Variants in ARHGAP15 observed in about 807,000 individuals in gnomAD.
ARHGAP15 encodes the protein Rho GTPase activating protein 15, also known as rho GTPase-activating protein 15.
Under a neutral mutation model 63.7 loss-of-function variants are expected in ARHGAP15, and 51 were observed. That is an observed-to-expected ratio of 0.80 (90% CI 0.64 to 1.01). The LOEUF is 1.01. ARHGAP15 is among the 50% of genes least tolerant of loss of function. ARHGAP15 has a pLI of 0.00. For missense variants in ARHGAP15, 560 were observed against 564.6 expected, an observed-to-expected ratio of 0.99 and a Z score of 0.08; for synonymous variants, 191 against 193.8, an observed-to-expected ratio of 0.99 and a Z score of 0.12.
chr2:143,348,586 TAATG>T (rs1685408813), intron 6 of ARHGAP15, among the ~76,000 whole-genome samples: 1 of 152,170 alleles, frequency 6.6e-6, no homozygotes, highest in Admixed American at 6.6e-5. Context: ...TCATCTCAAT[TAATG>T]CTTATGAAGT....
At chr2:143,547,086 T>C (rs1437601085) in intron 10 of ARHGAP15, among the ~76,000 whole-genome samples, 1 of 152,156 alleles carries the variant, frequency 6.6e-6, no homozygotes, top group East Asian at 1.9e-4. Context: ...CTTGCTGAGA[T>C]CTTTCTTATC....
At chr2:143,390,731 GCACA>G (rs3071055) in intron 6 of ARHGAP15, among the ~76,000 whole-genome samples, 19,679 of 147,370 alleles carry the variant, frequency 0.13, 1,373 homozygotes, top group Middle Eastern at 0.17. Flanking sequence ...GAAAACACAT[GCACA>G]CACACACACA....
intron 6 of ARHGAP15, among the ~76,000 whole-genome samples, chr2:143,353,484 A>T (rs1358137937): frequency 6.6e-6 from 1 of 152,134 alleles, no homozygotes; most frequent in Non-Finnish European, 1.5e-5. Flanking sequence ...GGTTAAATAC[A>T]TGGTGTGAAG....
At chr2:143,635,065 C>T (rs952643285) in intron 12 of ARHGAP15, among the ~76,000 whole-genome samples, 2 of 152,024 alleles carry the variant, frequency 1.3e-5, no homozygotes, top group African/African-American at 4.8e-5. Flanking sequence ...CAGACACACA[C>T]ACACACGTTC....
chr2:143,559,567 A>C lies in ARHGAP15; in HGVS notation c.1003+3082A>C, dbSNP rs957295738. Among the ~76,000 whole-genome samples, 21 of 152,352 alleles carry C rather than the reference A, an allele frequency of 1.4e-4. 1 individual carries two copies. The highest frequency in any genetic ancestry group is 7.8e-4 in the Admixed American group (12 of 15,306). On this transcript the variant is annotated intron_variant, in intron 11 of 13. Transcript: ENST00000295095. ...CTGAATTAGATGATAAGTGAAATGC[A>C]TATACCAACCCCTTTCAAAATTTGC...
At chr2:143,297,579 G>A (rs949292828) in intron 6 of ARHGAP15, among the ~76,000 whole-genome samples, 1 of 152,084 alleles carries the variant, frequency 6.6e-6, no homozygotes, top group Non-Finnish European at 1.5e-5. Context: ...TGACACTGGT[G>A]ATCTTCTCTC....
At chr2:143,655,578 T>C (rs1681393214) in intron 12 of ARHGAP15, among the ~76,000 whole-genome samples, 1 of 152,184 alleles carries the variant, frequency 6.6e-6, no homozygotes, top group African/African-American at 2.4e-5. Flanking sequence ...TTTCCTTTCT[T>C]CCCCATAGTA....
chr2:143,393,592 C>A (rs7578553), intron 6 of ARHGAP15, among the ~76,000 whole-genome samples: 90,105 of 151,842 alleles, frequency 0.59, 27,110 homozygotes, highest in Admixed American at 0.71. Context: ...TTAGCCAGGC[C>A]TGGTGCTGCG....
chr2:143,376,879 T>C (rs1686834259), intron 6 of ARHGAP15, among the ~76,000 whole-genome samples: 1 of 152,106 alleles, frequency 6.6e-6, no homozygotes, highest in African/African-American at 2.4e-5. Context: ...CTCAAATGCA[T>C]TCCTTTTTTG....
At chr2:143,216,562 C>G (rs1692765051) in intron 4 of ARHGAP15, 117 bp downstream of exon 4, 1 of 672,410 alleles carries the variant, frequency 1.5e-6, no homozygotes, top group East Asian at 2.7e-5. Context: ...AGAACAGTCT[C>G]CTCTGCTACT....
chr2:143,732,009 G>T (rs919083407), intron 13 of ARHGAP15, among the ~76,000 whole-genome samples: 1 of 152,170 alleles, frequency 6.6e-6, no homozygotes, highest in South Asian at 2.1e-4. Context: ...ATGCAAAATT[G>T]CCTTCCTTCT....
At chr2:143,294,285 A>G (rs987794035) in intron 6 of ARHGAP15, among the ~76,000 whole-genome samples, 18 of 152,248 alleles carry the variant, frequency 1.2e-4, no homozygotes, top group Admixed American at 5.2e-4. Flanking sequence ...GCATTTACTT[A>G]GTGCTTCTGA....
At chr2:143,537,267 T>G (rs1186627588) in intron 10 of ARHGAP15, among the ~76,000 whole-genome samples, 1 of 152,198 alleles carries the variant, frequency 6.6e-6, no homozygotes, top group African/African-American at 2.4e-5. Context: ...CATTGTAGAT[T>G]CTGGATATTA....
At chr2:143,377,300 C>T (rs994364455) in intron 6 of ARHGAP15, among the ~76,000 whole-genome samples, 2 of 152,060 alleles carry the variant, frequency 1.3e-5, no homozygotes, top group East Asian at 1.9e-4. Context: ...AATTAACATA[C>T]TTTTTAAAAA....
In ARHGAP15 at chr2:143,330,118, A is replaced by AAC. The variant is rs1558897857; in HGVS notation, c.474+79519_474+79520insCA. Among the ~76,000 whole-genome samples the AAC allele has an allele frequency of 8.5e-3, 514 of 60,602 alleles. 29 individuals carry two copies. The highest frequency in any genetic ancestry group is 0.011 in the Non-Finnish European group (355 of 31,138). 39.8% of individuals were successfully genotyped at this position (60,602 alleles called of 152,430 possible). ...TCAAAAAAAAAAAAAAAAAAAAAAA[A>AAC]AAAAAAAAAAAAACCAAAAACAAAA... On this transcript the variant is annotated intron_variant, in intron 6 of 13. Transcript: ENST00000295095.
chr2:143,183,949 A>G (rs1310944962), intron 2 of ARHGAP15, among the ~76,000 whole-genome samples: 2 of 152,150 alleles, frequency 1.3e-5, no homozygotes, highest in African/African-American at 4.8e-5. Flanking sequence ...TGCTCTTGAG[A>G]GCTCGTTCTT....
chr2:143,184,463 G>A (rs1310813765), intron 2 of ARHGAP15, among the ~76,000 whole-genome samples: 2 of 152,078 alleles, frequency 1.3e-5, no homozygotes, highest in African/African-American at 4.8e-5. Context: ...AATAGTAAAA[G>A]GGAAGTAGAT....
At chr2:143,506,274 G>T (rs1175238205) in intron 9 of ARHGAP15, among the ~76,000 whole-genome samples, 2 of 152,142 alleles carry the variant, frequency 1.3e-5, no homozygotes, top group Non-Finnish European at 2.9e-5. Flanking sequence ...CATATAAGTT[G>T]TGCCTTAAAG....
At chr2:143,489,140 CA>C (rs1438061624) in intron 9 of ARHGAP15, among the ~76,000 whole-genome samples, 1 of 152,120 alleles carries the variant, frequency 6.6e-6, no homozygotes, top group Non-Finnish European at 1.5e-5. Context: ...ACGACTGGGA[CA>C]AAATAAAAGG....
Sources: allele counts gnomAD v4.1 joint callset (sites outside exome capture counted in the v4.1 genomes callset), GRCh38; gene constraint gnomAD v4.1.1; transcripts MANE v1.5; gene names NCBI Gene and HGNC (gene_info 2026-07-23, HGNC 2026-07-21).